RIMS2: variants seen among roughly 807,000 people sequenced by gnomAD.
RIMS2 encodes the protein regulating synaptic membrane exocytosis 2.
In RIMS2, 59 loss-of-function variants were observed where a neutral mutation model predicts 174.4. The ratio of observed to expected loss-of-function variants is 0.34; its 90% CI spans 0.27 to 0.42. The LOEUF (loss-of-function observed/expected upper bound fraction) is 0.42. RIMS2 is among the 10% of genes least tolerant of loss of function. The probability of loss-of-function intolerance (pLI) is 1.00; values close to 1 mark genes in which losing one functional copy is unlikely to be tolerated. For synonymous variants in RIMS2, 606 were observed against 572.5 expected (o/e 1.06, Z -0.84); for missense variants, 1,620 against 1,666.3 (o/e 0.97, Z 0.48).
At chr8:104,102,136 T>G (rs572225071) in intron 19 of RIMS2, among the ~76,000 whole-genome samples, 28 of 152,194 alleles carry the variant, frequency 1.8e-4, no homozygotes, top group South Asian at 2.1e-4. Flanking sequence ...CCTAATTATC[T>G]GCCAGATCTG....
chr8:103,913,146 T>TG (rs2076036001), intron 6 of RIMS2, among the ~76,000 whole-genome samples: 3 of 145,152 alleles, frequency 2.1e-5, no homozygotes, highest in Non-Finnish European at 3.0e-5. Context: ...CTATTTTTTT[T>TG]TTTTTGTATT....
At chr8:103,713,044 A>G (rs1461736315) in intron 2 of RIMS2, among the ~76,000 whole-genome samples, 1 of 147,990 alleles carries the variant, frequency 6.8e-6, no homozygotes, top group Non-Finnish European at 1.5e-5. Flanking sequence ...TTTTTGATGG[A>G]TTATCACTCT....
intron 19 of RIMS2, among the ~76,000 whole-genome samples, chr8:104,101,955 C>A (rs1271017760): frequency 1.3e-5 from 2 of 152,074 alleles, no homozygotes; most frequent in African/African-American, 4.8e-5. Flanking sequence ...TCTTTGTGAG[C>A]TTTCTATATG....
At chr8:104,135,827 G>C (rs1164128359) in intron 19 of RIMS2, among the ~76,000 whole-genome samples, 19 of 152,030 alleles carry the variant, frequency 1.2e-4, no homozygotes, top group Admixed American at 1.2e-3. Context: ...CTGATACTTG[G>C]AGAAAAAGTG....
intron 19 of RIMS2, among the ~76,000 whole-genome samples, chr8:104,082,423 G>C (rs1360778321): frequency 1.3e-5 from 2 of 152,052 alleles, no homozygotes; most frequent in African/African-American, 2.4e-5. Context: ...TATTCATTTG[G>C]CTGGTAGAAA....
chr8:104,044,156 C>T lies in RIMS2; in HGVS notation c.3334+29541C>T, dbSNP rs1018909085. On this transcript the variant is annotated intron_variant, in intron 19 of 23. Transcript: ENST00000504942. ...AGGAAATGAACGTTCTCTGATGAAGCTGAGGGATATATTGTATTTAAGTAA... is the reference window on the plus strand; with the variant it reads ...AGGAAATGAACGTTCTCTGATGAAGTTGAGGGATATATTGTATTTAAGTAA... Among the ~76,000 whole-genome samples, 4 of 151,474 alleles carry T rather than the reference C, an allele frequency of 2.6e-5. No homozygotes were observed. The East Asian group carries it at 5.8e-4, about 22-fold the overall frequency.
chr8:104,010,326 T>G (rs2154553457), intron 17 of RIMS2, among the ~76,000 whole-genome samples: 1 of 152,326 alleles, frequency 6.6e-6, no homozygotes, highest in South Asian at 2.1e-4. Context: ...TTAGAATGAC[T>G]GAAAATAAAT....
At chr8:103,598,644 G>T (rs915495355) in intron 1 of RIMS2, among the ~76,000 whole-genome samples, 1 of 152,094 alleles carries the variant, frequency 6.6e-6, no homozygotes, top group Non-Finnish European at 1.5e-5. Context: ...ATTATTATTT[G>T]TTACTTGCCC....
chr8:103,831,371 G>C (rs371221649), intron 3 of RIMS2, among the ~76,000 whole-genome samples: 2 of 152,038 alleles, frequency 1.3e-5, no homozygotes, highest in African/African-American at 4.8e-5. Flanking sequence ...TTCTTTCTGC[G>C]TGGCTAATAA....
chr8:103,634,793 T>C (rs1182715227), intron 1 of RIMS2, among the ~76,000 whole-genome samples: 1 of 152,200 alleles, frequency 6.6e-6, no homozygotes, highest in Non-Finnish European at 1.5e-5. Flanking sequence ...TCTTTTTTGA[T>C]TTTTGTTGTC....
At position 104,180,384 on chromosome 8, in the gene RIMS2, C is replaced by A. The variant is rs181606602; in HGVS notation, c.3335-64532C>A. 2.5e-3 allele frequency among the ~76,000 whole-genome samples: 371 copies of A among 149,810 alleles called. 1 individual carries two copies. The highest frequency in any genetic ancestry group is 8.8e-3 in the African/African-American group (362 of 40,944). ...AGGTTTTTTTTTTTTTTAATCTTTG[C>A]CAATCTGGTACAAATTTTCATTTTC... On this transcript the variant is annotated intron_variant, in intron 19 of 23. Transcript: ENST00000504942.
At chr8:103,594,933 G>A (rs1394887430) in intron 1 of RIMS2, among the ~76,000 whole-genome samples, 1 of 151,690 alleles carries the variant, frequency 6.6e-6, no homozygotes, top group Non-Finnish European at 1.5e-5. Flanking sequence ...AAGCCAGATA[G>A]CTCATGATTA....
At chr8:103,939,708 T>C (rs986425045) in intron 13 of RIMS2, among the ~76,000 whole-genome samples, 5 of 152,192 alleles carry the variant, frequency 3.3e-5, no homozygotes, top group Non-Finnish European at 7.3e-5. Context: ...GCTTCCCTTA[T>C]AAAACTAAAT....
At chr8:103,539,922 C>G (rs548412847) in intron 1 of RIMS2, among the ~76,000 whole-genome samples, 2 of 152,374 alleles carry the variant, frequency 1.3e-5, no homozygotes, top group Admixed American at 1.3e-4. Context: ...CAAGCTCTTG[C>G]TGTGCATGCC....
chr8:103,880,925 A>G (rs1275939187), intron 3 of RIMS2, among the ~76,000 whole-genome samples: 1 of 151,502 alleles, frequency 6.6e-6, no homozygotes, highest in Non-Finnish European at 1.5e-5. Flanking sequence ...CTGCATGGTT[A>G]GTTAGCATTG....
intron 19 of RIMS2, among the ~76,000 whole-genome samples, chr8:104,141,605 G>A (rs191263779): frequency 1.3e-3 from 203 of 152,310 alleles, no homozygotes; most frequent in Admixed American, 3.8e-3. Context: ...AGTTAAATAC[G>A]AGTAAGTCGT....
chr8:104,122,804 T>G (rs1718264655), intron 19 of RIMS2, among the ~76,000 whole-genome samples: 1 of 152,162 alleles, frequency 6.6e-6, no homozygotes, highest in Admixed American at 6.5e-5. Context: ...TTATTCCACC[T>G]TCAGATTATT....
intron 4 of RIMS2, among the ~76,000 whole-genome samples, chr8:103,892,529 A>G (rs556390443): frequency 2.0e-5 from 3 of 152,156 alleles, no homozygotes; most frequent in Non-Finnish European, 4.4e-5. Context: ...TAAGACTTTC[A>G]CAAGTAAAAG....
At chr8:104,251,259 C>A in intron 23 of RIMS2, 96 bp downstream of exon 29, 3 of 1,077,632 alleles carry the variant, frequency 2.8e-6, no homozygotes, top group South Asian at 1.7e-5. Context: ...CTTTTATGTT[C>A]CTCACAAAGG....
Sources: gnomAD v4.1 joint callset for allele counts (sites outside exome capture counted in the v4.1 genomes callset) on GRCh38, gnomAD v4.1.1 for gene constraint, MANE v1.5 for transcripts, NCBI Gene and HGNC (gene_info 2026-07-23, HGNC 2026-07-21) for gene names.